Variants in TMEM63C observed in about 807,000 individuals in gnomAD.
TMEM63C encodes osmosensitive cation channel TMEM63C.
TMEM63C carries 32 observed loss-of-function variants against 99.2 expected under a neutral mutation model. The observed-to-expected ratio is 0.32, with a 90% CI of 0.24 to 0.43. The LOEUF is 0.43. TMEM63C is among the 20% of genes least tolerant of loss of function. TMEM63C has a pLI of 1.00. For missense variants in TMEM63C, 826 were observed against 1,053.0 expected (o/e 0.78, Z 2.98); for synonymous variants, 376 against 397.9 (o/e 0.94, Z 0.66).
Position 77,256,515 on chromosome 14 carries a change from A to G in TMEM63C, c.2221-11A>G, listed in dbSNP as rs1197284777. 1 of 1,613,802 alleles carries G rather than the reference A, an allele frequency of 6.2e-7. No homozygotes were observed. The highest frequency in any genetic ancestry group is 1.3e-5 in the African/African-American group (1 of 75,030). On this transcript the variant is annotated splice_polypyrimidine_tract_variant and intron_variant, in intron 23 of 23. Coordinates refer to ENST00000298351, the MANE Select transcript of TMEM63C (RefSeq NM_020431.4). ...GACCTTGCTCCTGTCCCCTGTCTCT[A>G]TCCCAAGCAGCTGTATGTGGCCACC...
At chr14:77,215,043 C>A (rs191022743) in intron 2 of TMEM63C, among the ~76,000 whole-genome samples, 3 of 152,118 alleles carry the variant, frequency 2.0e-5, no homozygotes, top group African/African-American at 7.2e-5. Flanking sequence ...TGGGGGGAAG[C>A]CTCTACCCCT....
chr14:77,226,365 A>C (rs982551211), intron 6 of TMEM63C, among the ~76,000 whole-genome samples: 1 of 152,242 alleles, frequency 6.6e-6, no homozygotes, highest in African/African-American at 2.4e-5. Flanking sequence ...GTGTCATAGA[A>C]GACAGCTTAA....
intron 10 of TMEM63C, 109 bp downstream of exon 10, chr14:77,238,876 C>T (rs1026642609): frequency 4.2e-5 from 35 of 835,936 alleles, no homozygotes; most frequent in South Asian, 6.2e-5. Flanking sequence ...TGGGACACCC[C>T]GGGGTGGCTC....
At chr14:77,183,750 T>G (rs1011183) in intron 1 of TMEM63C, among the ~76,000 whole-genome samples, 1 of 151,952 alleles carries the variant, frequency 6.6e-6, no homozygotes, top group Non-Finnish European at 1.5e-5. Context: ...ACAGGAGCCT[T>G]GGGTTGCATG....
intron 5 of TMEM63C, among the ~76,000 whole-genome samples, chr14:77,224,251 G>A (rs530402558): frequency 6.6e-6 from 1 of 152,048 alleles, no homozygotes; most frequent in South Asian, 2.1e-4. Context: ...AACGAGGACA[G>A]GCAAAAAAGA....
At position 77,242,045 on chromosome 14, in the gene TMEM63C, G is replaced by A. The variant is rs79664403; in HGVS notation, c.1065-302G>A. On this transcript the variant is annotated intron_variant, in intron 13 of 23. Coordinates refer to ENST00000298351, the MANE Select transcript of TMEM63C (RefSeq NM_020431.4). The stretch of plus-strand genomic sequence containing the variant: ...TCCCTTATCAAATCTCAAAGAAAGA[G>A]TGTGTTTATGTGCTGTCACTGCTGT... Among the ~76,000 whole-genome samples, 87 of 152,378 alleles carry A rather than the reference G, an allele frequency of 5.7e-4. 1 individual carries two copies. The East Asian group carries it at 0.011, about 20-fold the overall frequency.
At chr14:77,195,444 C>A (rs914612088) in intron 1 of TMEM63C, among the ~76,000 whole-genome samples, 1 of 152,208 alleles carries the variant, frequency 6.6e-6, no homozygotes, top group Non-Finnish European at 1.5e-5. Context: ...GTGTCATCTA[C>A]TGAGTCTTAC....
At chr14:77,186,157 G>C (rs141367908) in intron 1 of TMEM63C, among the ~76,000 whole-genome samples, 1 of 151,936 alleles carries the variant, frequency 6.6e-6, no homozygotes, top group African/African-American at 2.4e-5. Context: ...GATTACAGGC[G>C]TGCGCCAACA....
Position 77,231,683 on chromosome 14 carries a change from C to A in TMEM63C, c.446C>A (p.Pro149His). Residue 149 changes from proline to histidine, a missense_variant, in exon 7 of 24, where the codon CCC (proline) becomes CAC (histidine). Transcript: ENST00000298351. ...ATCTTTGTGCTCATCATCTGTATCC[C>A]CTCCCTGGGCATCATTTTGCCCATC... is the stretch of plus-strand genomic sequence containing the variant. ...LIIFVLIICI[P>H]SLGIILPINY... The A allele has an allele frequency of 6.4e-7, 1 of 1,551,640 alleles. No homozygotes were observed. The highest frequency in any genetic ancestry group is 1.2e-5 in the South Asian group (1 of 84,048).
chr14:77,249,105 AG>A (rs1312603657), intron 20 of TMEM63C, among the ~76,000 whole-genome samples, 185 bp from the exon 21 acceptor site: 1 of 152,078 alleles, frequency 6.6e-6, no homozygotes, highest in Non-Finnish European at 1.5e-5. Context: ...TGAAACAGTC[AG>A]TTCTCGGGGC....
chr14:77,224,596 ACTCT>A (rs1888784415), intron 5 of TMEM63C, among the ~76,000 whole-genome samples: 1 of 151,366 alleles, frequency 6.6e-6, no homozygotes, highest in Non-Finnish European at 1.5e-5. Flanking sequence ...TCCAAAGATG[ACTCT>A]CTCTCTAGTC....
chr14:77,187,920 C>A (rs1255743749), intron 1 of TMEM63C, among the ~76,000 whole-genome samples: 1 of 152,212 alleles, frequency 6.6e-6, no homozygotes, highest in East Asian at 1.9e-4. Context: ...TGCTCTGTTC[C>A]CACTCAGGGG....
chr14:77,249,874 G>A (rs1048869704), intron 21 of TMEM63C, among the ~76,000 whole-genome samples: 5 of 152,098 alleles, frequency 3.3e-5, no homozygotes, highest in South Asian at 2.1e-4. Context: ...TTGCTCTGTC[G>A]TCTAGACTGA....
chr14:77,192,137 G>A (rs944147966), intron 1 of TMEM63C, among the ~76,000 whole-genome samples: 1 of 152,118 alleles, frequency 6.6e-6, no homozygotes. Flanking sequence ...CATTTGCATG[G>A]AATGACTTTT....
intron 5 of TMEM63C, among the ~76,000 whole-genome samples, chr14:77,224,570 C>G (rs570425790): frequency 6.6e-6 from 1 of 152,164 alleles, no homozygotes; most frequent in Non-Finnish European, 1.5e-5. Context: ...CCCCAGCCCC[C>G]TCTCTTACAC....
intron 13 of TMEM63C, among the ~76,000 whole-genome samples, chr14:77,241,734 T>G (rs974385858): frequency 6.6e-6 from 1 of 152,256 alleles, no homozygotes; most frequent in African/African-American, 2.4e-5. Flanking sequence ...ATTCAGTTTC[T>G]GTGTTGTTTA....
At chr14:77,230,409 G>A (rs1313539212) in intron 6 of TMEM63C, among the ~76,000 whole-genome samples, 2 of 152,050 alleles carry the variant, frequency 1.3e-5, no homozygotes, top group African/African-American at 2.4e-5. Context: ...GTTTGTGCCT[G>A]GTAACTTTTA....
intron 1 of TMEM63C, among the ~76,000 whole-genome samples, chr14:77,207,879 C>T (rs1888429993): frequency 6.6e-6 from 1 of 152,166 alleles, no homozygotes; most frequent in South Asian, 2.1e-4. Flanking sequence ...TTTCAGTGTA[C>T]TTCTGTCTTG....
rs751267198 is a variant in TMEM63C at position 77,257,015 on chromosome 14, G to C, written c.*289G>C. On this transcript the variant is annotated 3_prime_UTR_variant, in exon 24 of 24. Coordinates refer to ENST00000298351, the MANE Select transcript of TMEM63C (RefSeq NM_020431.4). ...TGGAGCCCCGGCACAGAGACTGAACGCTGGGGTCCCTTCCTGGGACCAAGA... is the reference window on the plus strand; with the variant it reads ...TGGAGCCCCGGCACAGAGACTGAACCCTGGGGTCCCTTCCTGGGACCAAGA... 6 of 378,410 alleles carry C rather than the reference G, an allele frequency of 1.6e-5. No individual in the cohort carries two copies. Among genetic ancestry groups the C allele is most frequent in the African/African-American group, 4.1e-5 (2 of 49,120 alleles). The allele number at this position is 378,410 out of a possible 1,614,324, so 23.4% of individuals were successfully genotyped here.
Sources: gnomAD v4.1 joint callset for allele counts (sites outside exome capture counted in the v4.1 genomes callset) on GRCh38, gnomAD v4.1.1 for gene constraint, MANE v1.5 for transcripts, NCBI Gene and HGNC (gene_info 2026-07-23, HGNC 2026-07-21) for gene names.